The following TOX variants were observed in gnomAD, a reference collection of about 807,000 sequenced individuals.
TOX encodes the protein thymocyte selection associated high mobility group box.
In TOX, 11 loss-of-function variants were observed where a neutral mutation model predicts 53.7. The observed-to-expected ratio is 0.20, with a 90% confidence interval of 0.13 to 0.34. The LOEUF (loss-of-function observed/expected upper bound fraction) is 0.34, where lower values mean the gene tolerates loss of function less well. TOX is among the 10% of genes least tolerant of loss of function. The pLI is 1.00. For synonymous variants in TOX, 225 were observed against 245.3 expected (o/e 0.92, Z 0.77); for missense variants, 570 against 664.6 (o/e 0.86, Z 1.56).
intron 2 of TOX, 51 bp downstream of exon 2, chr8:58,959,892 A>C: frequency 1.3e-6 from 2 of 1,586,548 alleles, no homozygotes; most frequent in Non-Finnish European, 8.7e-7. Context: ...CAACTCTTTG[A>C]ATTTGTTTAA....
Position 58,856,689 on chromosome 8 carries a change from G to A in TOX, c.412-4884C>T, listed in dbSNP as rs141481406. Among the ~76,000 whole-genome samples the A allele has an allele frequency of 4.5e-3, 689 of 151,988 alleles. 6 individuals are homozygous for A. The highest frequency in any genetic ancestry group is 0.018 in the South Asian group (87 of 4,800). On this transcript the variant is annotated intron_variant, in intron 3 of 8. Transcript: ENST00000361421. ...GGCCCTGTGACAATGAAATGTAAGC[G>A]GAATCCTCGTGTGGTGCTTCCAAGA...
intron 3 of TOX, among the ~76,000 whole-genome samples, chr8:58,906,183 T>G (rs1375334129): frequency 1.3e-5 from 2 of 152,192 alleles, no homozygotes; most frequent in African/African-American, 4.8e-5. Context: ...CATGCTTTTT[T>G]CAAACACTGT....
intron 3 of TOX, among the ~76,000 whole-genome samples, chr8:58,894,135 A>G (rs140727365): frequency 3.2e-4 from 49 of 152,350 alleles, no homozygotes; most frequent in African/African-American, 1.1e-3. Flanking sequence ...CTTTGAAATA[A>G]TAGTGCAAGG....
At chr8:58,948,037 A>C (rs1408581467) in intron 2 of TOX, among the ~76,000 whole-genome samples, 1 of 152,202 alleles carries the variant, frequency 6.6e-6, no homozygotes, top group African/African-American at 2.4e-5. Flanking sequence ...GGAGTAAGGT[A>C]AAATTTCACT....
At chr8:58,969,276 A>G (rs1447216055) in intron 1 of TOX, among the ~76,000 whole-genome samples, 1 of 152,192 alleles carries the variant, frequency 6.6e-6, no homozygotes, top group Non-Finnish European at 1.5e-5. Context: ...TCTGTTTTCT[A>G]AATGAAAACA....
At chr8:59,031,832 C>T (rs1343194776) in intron 1 of TOX, among the ~76,000 whole-genome samples, 1 of 152,072 alleles carries the variant, frequency 6.6e-6, no homozygotes, top group Non-Finnish European at 1.5e-5. Context: ...AATAAATAAA[C>T]CAGAGAAAAA....
At chr8:58,936,876 C>A (rs182480322) in intron 3 of TOX, among the ~76,000 whole-genome samples, 2 of 152,238 alleles carry the variant, frequency 1.3e-5, no homozygotes, top group South Asian at 2.1e-4. Context: ...TGGGTGAATG[C>A]GGCTACTTAA....
At chr8:58,955,194 A>G (rs954697377) in intron 2 of TOX, among the ~76,000 whole-genome samples, 2 of 152,172 alleles carry the variant, frequency 1.3e-5, no homozygotes, top group Non-Finnish European at 2.9e-5. Flanking sequence ...TAAGAAAGAG[A>G]CAGAATTCCA....
At chr8:58,908,238 G>A (rs931227587) in intron 3 of TOX, among the ~76,000 whole-genome samples, 4 of 152,186 alleles carry the variant, frequency 2.6e-5, no homozygotes, top group Admixed American at 6.5e-5. Context: ...GAACTGTACA[G>A]TAATAGCACA....
intron 1 of TOX, among the ~76,000 whole-genome samples, chr8:58,975,177 T>C (rs1813069311): frequency 6.6e-6 from 1 of 150,566 alleles, no homozygotes; most frequent in Admixed American, 6.6e-5. Context: ...GAGAAATGTA[T>C]ATGTATATAT....
At chr8:59,047,203 GTTTTTTTTTTTTTT>G (rs10551461) in intron 1 of TOX, among the ~76,000 whole-genome samples, 667 of 44,720 alleles carry the variant, frequency 0.015, 9 homozygotes, top group Admixed American at 0.022. Flanking sequence ...ACCAAGAATT[GTTTTTTTTTTTTTT>G]TTTTTTTTTT....
At chr8:59,021,282 C>T (rs1338062706) in intron 1 of TOX, among the ~76,000 whole-genome samples, 1 of 149,362 alleles carries the variant, frequency 6.7e-6, no homozygotes, top group Non-Finnish European at 1.5e-5. Context: ...CTCTCCTGTG[C>T]ACACTAGCTC....
chr8:58,944,422 T>C (rs1412099366), intron 2 of TOX, among the ~76,000 whole-genome samples: 1 of 152,220 alleles, frequency 6.6e-6, no homozygotes, highest in Non-Finnish European at 1.5e-5. Context: ...CTTAAAACCT[T>C]AAAATTTGGT....
Position 59,048,206 on chromosome 8 carries a change from C to T in TOX, c.102+70680G>A, listed in dbSNP as rs558601732. On this transcript the variant is annotated intron_variant, in intron 1 of 8. Coordinates refer to ENST00000361421, the MANE Select transcript of TOX (RefSeq NM_014729.3). ...TTCTCAAAATCAGCAAAGAAAATAT[C>T]TTTATATCCTGGCAGCTTTCAGTTC... Among the ~76,000 whole-genome samples the T allele has an allele frequency of 1.9e-3, 287 of 152,282 alleles. 2 individuals carry two copies. Among genetic ancestry groups the T allele is most frequent in the Non-Finnish European group, 2.8e-3 (190 of 68,014 alleles).
chr8:59,093,082 A>G (rs1347730512), intron 1 of TOX, among the ~76,000 whole-genome samples: 1 of 152,246 alleles, frequency 6.6e-6, no homozygotes, highest in Non-Finnish European at 1.5e-5. Flanking sequence ...AGAAAACGTC[A>G]CAAGATGTAT....
chr8:58,843,342 A>C (rs1810675507), intron 4 of TOX, among the ~76,000 whole-genome samples: 3 of 152,220 alleles, frequency 2.0e-5, no homozygotes, highest in Non-Finnish European at 4.4e-5. Flanking sequence ...AGATCACCAA[A>C]GCTAGATTCT....
chr8:58,926,610 T>G (rs1171985379), intron 3 of TOX, among the ~76,000 whole-genome samples: 1 of 152,248 alleles, frequency 6.6e-6, no homozygotes, highest in African/African-American at 2.4e-5. Context: ...ATTTTAGACC[T>G]ACTATTCTTG....
At chr8:58,939,827 CAG>C (rs1160461520) in intron 2 of TOX, among the ~76,000 whole-genome samples, 2 of 152,160 alleles carry the variant, frequency 1.3e-5, no homozygotes, top group Non-Finnish European at 2.9e-5. Flanking sequence ...TAAAATTTTC[CAG>C]AGTTTTAATC....
chr8:58,876,739 T>C (rs1478909818), intron 3 of TOX, among the ~76,000 whole-genome samples: 1 of 152,160 alleles, frequency 6.6e-6, no homozygotes, highest in Admixed American at 6.5e-5. Context: ...AAGGCTAGAA[T>C]AAAAAACTTC....
Sources: allele counts gnomAD v4.1 joint callset (sites outside exome capture counted in the v4.1 genomes callset), GRCh38; gene constraint gnomAD v4.1.1; transcripts MANE v1.5; gene names NCBI Gene and HGNC (gene_info 2026-07-23, HGNC 2026-07-21).